The following RABGAP1L variants were observed in gnomAD, a reference collection of about 807,000 sequenced individuals.
The protein encoded by RABGAP1L is RAB GTPase activating protein 1 like.
Under a neutral mutation model 137.7 loss-of-function variants are expected in RABGAP1L, and 63 were observed. The ratio of observed to expected loss-of-function variants is 0.46; its 90% CI spans 0.37 to 0.56. RABGAP1L has a LOEUF of 0.56. RABGAP1L is among the 20% of genes least tolerant of loss of function. The probability of loss-of-function intolerance (pLI) is 0.00; values close to 1 mark genes in which losing one functional copy is unlikely to be tolerated. For synonymous variants in RABGAP1L, 431 were observed against 433.7 expected, an observed-to-expected ratio of 0.99 and a Z score of 0.08; for missense variants, 1,095 against 1,244.0, an observed-to-expected ratio of 0.88 and a Z score of 1.80.
intron 7 of RABGAP1L, among the ~76,000 whole-genome samples, chr1:174,263,267 T>G (rs1459717236): frequency 6.6e-6 from 1 of 152,234 alleles, no homozygotes; most frequent in Non-Finnish European, 1.5e-5. Context: ...TGCTATTCAT[T>G]GGGCTGTAAT....
intron 13 of RABGAP1L, among the ~76,000 whole-genome samples, chr1:174,570,447 A>G (rs1667888759): frequency 6.6e-6 from 1 of 152,216 alleles, no homozygotes; most frequent in South Asian, 2.1e-4. Flanking sequence ...GTTTTCACTT[A>G]TAAGTCGGAG....
chr1:174,241,739 A>G, intron 5 of RABGAP1L, 82 bp downstream of exon 5: 1 of 1,123,966 alleles, frequency 8.9e-7, no homozygotes, highest in Non-Finnish European at 1.3e-6. Flanking sequence ...TGTTGTATAA[A>G]TATGTTACAT....
At chr1:174,483,792 A>AC (rs1274130799) in intron 13 of RABGAP1L, among the ~76,000 whole-genome samples, 1 of 151,700 alleles carries the variant, frequency 6.6e-6, no homozygotes, top group African/African-American at 2.4e-5. Context: ...GCACCACTGC[A>AC]CACCAGCCTG....
At chr1:174,395,614 A>G (rs1450751053) in intron 13 of RABGAP1L, among the ~76,000 whole-genome samples, 1 of 152,226 alleles carries the variant, frequency 6.6e-6, no homozygotes, top group Non-Finnish European at 1.5e-5. Context: ...TATGTTTAAA[A>G]CTTATACAAG....
At chr1:174,427,756 A>G (rs541983230) in intron 13 of RABGAP1L, among the ~76,000 whole-genome samples, 1 of 152,354 alleles carries the variant, frequency 6.6e-6, no homozygotes, top group South Asian at 2.1e-4. Flanking sequence ...ATATAAAATA[A>G]TATTTTATGT....
intron 19 of RABGAP1L, among the ~76,000 whole-genome samples, chr1:174,904,852 A>T (rs1427075470): frequency 6.6e-6 from 1 of 152,094 alleles, no homozygotes; most frequent in East Asian, 1.9e-4. Context: ...GGGTCTCACC[A>T]TGTTGCCAAG....
chr1:174,584,610 C>CA (rs548215011), intron 13 of RABGAP1L, among the ~76,000 whole-genome samples: 2 of 151,992 alleles, frequency 1.3e-5, no homozygotes, highest in Non-Finnish European at 2.9e-5. Context: ...GCTTCTGTGT[C>CA]AAAAAATATA....
chr1:174,286,960 A>G (rs1300669272), intron 10 of RABGAP1L, among the ~76,000 whole-genome samples: 3 of 152,040 alleles, frequency 2.0e-5, no homozygotes, highest in Non-Finnish European at 4.4e-5. Context: ...TAACATATTT[A>G]TTCTAAAGAA....
intron 15 of RABGAP1L, among the ~76,000 whole-genome samples, chr1:174,691,031 C>A (rs567729720): frequency 6.6e-6 from 1 of 151,856 alleles, no homozygotes; most frequent in East Asian, 1.9e-4. Context: ...GATGTTTCAC[C>A]ATGTGGGCCA....
At chr1:174,662,099 T>A (rs1676412731) in intron 14 of RABGAP1L, among the ~76,000 whole-genome samples, 1 of 116,540 alleles carries the variant, frequency 8.6e-6, no homozygotes, top group African/African-American at 4.5e-5. Context: ...AGGCTTTTCT[T>A]TTCTTTTTTT....
At chr1:174,622,424 A>G (rs892075057) in intron 13 of RABGAP1L, among the ~76,000 whole-genome samples, 4 of 152,350 alleles carry the variant, frequency 2.6e-5, no homozygotes, top group African/African-American at 9.6e-5. Context: ...TTGCGGCACT[A>G]TTCACAATAG....
At chr1:174,707,305 G>T (rs1680129574) in intron 17 of RABGAP1L, among the ~76,000 whole-genome samples, 1 of 152,068 alleles carries the variant, frequency 6.6e-6, no homozygotes, top group Admixed American at 6.6e-5. Flanking sequence ...GCAACAAAAT[G>T]AAACTCATTT....
chr1:174,544,663 TGGA>T (rs1247055083), intron 13 of RABGAP1L, among the ~76,000 whole-genome samples: 10 of 152,376 alleles, frequency 6.6e-5, no homozygotes, highest in African/African-American at 1.9e-4. Context: ...TGCGATACTT[TGGA>T]GGAGAAGAGG....
chr1:174,403,350 T>G (rs1445221133), intron 13 of RABGAP1L, among the ~76,000 whole-genome samples: 1 of 151,550 alleles, frequency 6.6e-6, no homozygotes, highest in Non-Finnish European at 1.5e-5. Context: ...TTCACAGGTG[T>G]GATCATAGTG....
chr1:174,187,604 T>G (rs1275645221), intron 1 of RABGAP1L, among the ~76,000 whole-genome samples: 1 of 152,130 alleles, frequency 6.6e-6, no homozygotes, highest in African/African-American at 2.4e-5. Flanking sequence ...TAAAAAAGTT[T>G]TCAGATGCTA....
chr1:174,629,542 AT>A (rs1009091023), intron 13 of RABGAP1L, among the ~76,000 whole-genome samples: 52 of 150,872 alleles, frequency 3.4e-4, no homozygotes, highest in African/African-American at 1.0e-3. Context: ...ATTTTAATTA[AT>A]TTTTTTTTTG....
At chr1:174,674,736 C>T (rs1437996788) in intron 14 of RABGAP1L, among the ~76,000 whole-genome samples, 1 of 151,914 alleles carries the variant, frequency 6.6e-6, no homozygotes, top group Non-Finnish European at 1.5e-5. Context: ...TCTCCACATC[C>T]TCTCCAGCAC....
chr1:174,851,421 T>C (rs960272383), intron 19 of RABGAP1L, among the ~76,000 whole-genome samples: 2 of 135,472 alleles, frequency 1.5e-5, no homozygotes, highest in African/African-American at 5.1e-5. Context: ...CTTTCTCCAA[T>C]TGTGCAGAGA....
intron 13 of RABGAP1L, among the ~76,000 whole-genome samples, chr1:174,554,705 G>A (rs1009904646): frequency 1.3e-5 from 2 of 152,018 alleles, no homozygotes; most frequent in African/African-American, 4.8e-5. Context: ...AACATTTTCT[G>A]TCTAAATTAA....
Sources: gnomAD v4.1 joint callset for allele counts (sites outside exome capture counted in the v4.1 genomes callset) on GRCh38, gnomAD v4.1.1 for gene constraint, MANE v1.5 for transcripts, NCBI Gene and HGNC (gene_info 2026-07-23, HGNC 2026-07-21) for gene names.